Variants in CAMKMT observed in about 807,000 individuals in gnomAD.
CAMKMT encodes the protein calmodulin-lysine N-methyltransferase, also known as CaM KMT.
CAMKMT carries 53 observed loss-of-function variants against 48.0 expected under a neutral mutation model. The observed-to-expected ratio is 1.10, with a 90% confidence interval of 0.89 to 1.39. The LOEUF (loss-of-function observed/expected upper bound fraction) is 1.39, where lower values mean the gene tolerates loss of function less well. Ranked by LOEUF, CAMKMT falls within the 40% of genes most tolerant of loss-of-function variation. The pLI, the probability that CAMKMT is intolerant of heterozygous loss-of-function variation, is 0.00. For missense variants in CAMKMT, 428 were observed against 402.7 expected (o/e 1.06, Z -0.54); for synonymous variants, 165 against 152.3 (o/e 1.08, Z -0.61).
At chr2:44,476,558 T>G (rs1668698256) in intron 3 of CAMKMT, among the ~76,000 whole-genome samples, 1 of 152,038 alleles carries the variant, frequency 6.6e-6, no homozygotes, top group African/African-American at 2.4e-5. Context: ...TTAGGGTTCT[T>G]AAAAATGTGT....
intron 3 of CAMKMT, among the ~76,000 whole-genome samples, chr2:44,654,184 G>A (rs1469459681): frequency 5.3e-5 from 8 of 152,184 alleles, no homozygotes. Context: ...AATTTCCAAG[G>A]TAAATCTCAA....
chr2:44,751,370 G>C (rs1441135458), intron 8 of CAMKMT, among the ~76,000 whole-genome samples: 2 of 152,204 alleles, frequency 1.3e-5, no homozygotes, highest in Non-Finnish European at 2.9e-5. Flanking sequence ...ATGGTACAGA[G>C]GTGAATCCCA....
At chr2:44,603,694 A>C (rs1267664600) in intron 3 of CAMKMT, among the ~76,000 whole-genome samples, 1 of 152,200 alleles carries the variant, frequency 6.6e-6, no homozygotes, top group Admixed American at 6.5e-5. Flanking sequence ...TTACTTAATA[A>C]AAAGGTATAC....
At chr2:44,631,239 G>A (rs1028355262) in intron 3 of CAMKMT, among the ~76,000 whole-genome samples, 1 of 152,028 alleles carries the variant, frequency 6.6e-6, no homozygotes, top group Non-Finnish European at 1.5e-5. Context: ...ACACTCTGGG[G>A]ACTGTTGTTG....
chr2:44,604,296 A>G (rs1671159389), intron 3 of CAMKMT, among the ~76,000 whole-genome samples: 1 of 152,204 alleles, frequency 6.6e-6, no homozygotes, highest in African/African-American at 2.4e-5. Flanking sequence ...ACACAAGACT[A>G]TCTGCTAAAT....
intron 3 of CAMKMT, among the ~76,000 whole-genome samples, chr2:44,453,997 TGAGA>T (rs1454593772): frequency 6.6e-6 from 1 of 151,996 alleles, no homozygotes; most frequent in Non-Finnish European, 1.5e-5. Context: ...AAAATACCAT[TGAGA>T]GAGAGAAGGA....
chr2:44,728,973 G>A (rs56877767), intron 7 of CAMKMT, among the ~76,000 whole-genome samples: 5,401 of 145,986 alleles, frequency 0.037, 147 homozygotes, highest in African/African-American at 0.075. Context: ...TATTTATTCC[G>A]TGTGGTTTAC....
chr2:44,685,282 G>A (rs964916029), intron 3 of CAMKMT, among the ~76,000 whole-genome samples: 5 of 152,250 alleles, frequency 3.3e-5, no homozygotes, highest in African/African-American at 9.6e-5. Context: ...TAAAACAGAC[G>A]TGAGGATGAA....
At chr2:44,560,511 A>G (rs1041312292) in intron 3 of CAMKMT, among the ~76,000 whole-genome samples, 3 of 152,074 alleles carry the variant, frequency 2.0e-5, no homozygotes, top group Admixed American at 6.5e-5. Flanking sequence ...GCCTCAAACA[A>G]TCTTCCTGCC....
intron 3 of CAMKMT, among the ~76,000 whole-genome samples, chr2:44,552,556 G>T (rs1185289735): frequency 1.3e-5 from 2 of 152,190 alleles, no homozygotes; most frequent in Non-Finnish European, 2.9e-5. Flanking sequence ...CTGGTGTGAG[G>T]TCTGAGGCAA....
At chr2:44,603,994 T>A (rs1253068928) in intron 3 of CAMKMT, among the ~76,000 whole-genome samples, 1 of 152,234 alleles carries the variant, frequency 6.6e-6, no homozygotes, top group Non-Finnish European at 1.5e-5. Flanking sequence ...TCAAATTGCT[T>A]ACCTCTTTCT....
intron 3 of CAMKMT, among the ~76,000 whole-genome samples, chr2:44,673,767 G>C (rs925369048): frequency 6.6e-6 from 1 of 152,138 alleles, no homozygotes; most frequent in Non-Finnish European, 1.5e-5. Context: ...GAGATGACTG[G>C]AAAGAGAAGT....
chr2:44,397,285 A>G (rs1359259095), intron 3 of CAMKMT, among the ~76,000 whole-genome samples: 1 of 152,130 alleles, frequency 6.6e-6, no homozygotes, highest in Non-Finnish European at 1.5e-5. Context: ...GAAAATTTAT[A>G]AGTTGTGTTA....
intron 3 of CAMKMT, among the ~76,000 whole-genome samples, chr2:44,616,364 A>G (rs1374573914): frequency 6.6e-6 from 1 of 152,196 alleles, no homozygotes; most frequent in East Asian, 1.9e-4. Flanking sequence ...TTATCTGCCA[A>G]GCAATTGTTC....
At chr2:44,691,610 T>C (rs902830507) in intron 3 of CAMKMT, among the ~76,000 whole-genome samples, 1 of 152,208 alleles carries the variant, frequency 6.6e-6, no homozygotes, top group African/African-American at 2.4e-5. Flanking sequence ...TTATCTGCCC[T>C]TCTCTCAGCT....
chr2:44,500,455 T>A (rs1292122920), intron 3 of CAMKMT, among the ~76,000 whole-genome samples: 1 of 152,270 alleles, frequency 6.6e-6, no homozygotes, highest in Admixed American at 6.5e-5. Context: ...AGATTTTTGT[T>A]GTAGTCATCT....
At chr2:44,553,010 G>C (rs975135092) in intron 3 of CAMKMT, among the ~76,000 whole-genome samples, 6 of 152,176 alleles carry the variant, frequency 3.9e-5, no homozygotes, top group African/African-American at 1.4e-4. Flanking sequence ...GGCGAAAGGA[G>C]GCTTAGCCAA....
At chr2:44,534,843 C>G (rs1666680303) in intron 3 of CAMKMT, among the ~76,000 whole-genome samples, 1 of 151,648 alleles carries the variant, frequency 6.6e-6, no homozygotes, top group African/African-American at 2.4e-5. Context: ...CAAACCGAAC[C>G]TAAAATTACT....
intron 3 of CAMKMT, among the ~76,000 whole-genome samples, chr2:44,523,539 C>T (rs1671235982): frequency 6.6e-6 from 1 of 151,478 alleles, no homozygotes; most frequent in Admixed American, 6.6e-5. Flanking sequence ...AGGTGATCCA[C>T]CCACCTCGGC....
Sources: gnomAD v4.1 joint callset for allele counts (sites outside exome capture counted in the v4.1 genomes callset) on GRCh38, gnomAD v4.1.1 for gene constraint, MANE v1.5 for transcripts, NCBI Gene and HGNC (gene_info 2026-07-23, HGNC 2026-07-21) for gene names.